The following CPQ variants were observed in gnomAD, a reference collection of about 807,000 sequenced individuals.
CPQ encodes the protein Ser-Met dipeptidase.
In CPQ, 37 loss-of-function variants were observed where a neutral mutation model predicts 45.7. The ratio of observed to expected loss-of-function variants is 0.81; its 90% confidence interval spans 0.62 to 1.07. The LOEUF is 1.07. Ranked by LOEUF, CPQ falls within the 50% of genes least tolerant of loss-of-function variation. The pLI is 0.00. For missense variants in CPQ, 537 were observed against 572.9 expected, an observed-to-expected ratio of 0.94 and a Z score of 0.64; for synonymous variants, 186 against 205.8, an observed-to-expected ratio of 0.90 and a Z score of 0.82.
chr8:97,094,560 A>C (rs925786525), intron 7 of CPQ, among the ~76,000 whole-genome samples: 1 of 151,828 alleles, frequency 6.6e-6, no homozygotes, highest in African/African-American at 2.4e-5. Flanking sequence ...CCCACTCTCC[A>C]TCCATTTTCA....
At chr8:97,066,647 C>T (rs1810640538) in intron 7 of CPQ, among the ~76,000 whole-genome samples, 3 of 152,022 alleles carry the variant, frequency 2.0e-5, no homozygotes, top group Non-Finnish European at 2.9e-5. Flanking sequence ...CAAATAATTC[C>T]CTATTAAAAC....
At chr8:96,697,470 A>T (rs1461692617) in intron 1 of CPQ, among the ~76,000 whole-genome samples, 2 of 152,174 alleles carry the variant, frequency 1.3e-5, no homozygotes. Flanking sequence ...CATGACAAGG[A>T]TGCCCACCTT....
At chr8:97,123,950 C>T (rs901308334) in intron 7 of CPQ, among the ~76,000 whole-genome samples, 30 of 151,962 alleles carry the variant, frequency 2.0e-4, no homozygotes, top group African/African-American at 4.8e-4. Flanking sequence ...ATCTATTCAT[C>T]AATAAGACAC....
intron 4 of CPQ, among the ~76,000 whole-genome samples, chr8:96,926,597 T>C (rs1414387709): frequency 2.7e-5 from 4 of 145,904 alleles, no homozygotes; most frequent in African/African-American, 1.1e-4. Context: ...CTTCTTCTTC[T>C]TCTTCTTCTT....
At chr8:97,015,086 T>G (rs1392547334) in intron 5 of CPQ, among the ~76,000 whole-genome samples, 1 of 152,190 alleles carries the variant, frequency 6.6e-6, no homozygotes, top group Non-Finnish European at 1.5e-5. Context: ...AAAAAACCAT[T>G]TTGGTAAATG....
At chr8:97,127,221 G>A (rs1440934666) in intron 7 of CPQ, among the ~76,000 whole-genome samples, 1 of 152,056 alleles carries the variant, frequency 6.6e-6, no homozygotes, top group Non-Finnish European at 1.5e-5. Context: ...AAAATGAAAG[G>A]CAAGCCACAG....
At chr8:97,016,654 C>T (rs367583434) in intron 5 of CPQ, among the ~76,000 whole-genome samples, 2 of 152,210 alleles carry the variant, frequency 1.3e-5, no homozygotes, top group Non-Finnish European at 2.9e-5. Context: ...GAGAAAGGGG[C>T]AGCCAACTCT....
intron 7 of CPQ, among the ~76,000 whole-genome samples, chr8:97,103,760 G>A (rs909492450): frequency 1.4e-4 from 21 of 152,178 alleles, no homozygotes; most frequent in Non-Finnish European, 2.4e-4. Flanking sequence ...TATCAAGCAG[G>A]TTACTCCTGT....
chr8:96,867,585 A>C (rs1812011552), intron 3 of CPQ, among the ~76,000 whole-genome samples: 1 of 151,994 alleles, frequency 6.6e-6, no homozygotes, highest in African/African-American at 2.4e-5. Context: ...AAAGTCAAGA[A>C]AAACATAACA....
At position 96,880,804 on chromosome 8, in the gene CPQ, TAAAAAA is replaced by T. The variant is rs1812214196; in HGVS notation, c.849+801_849+806del. ...GGGAGGGAGAGAGGGAAGCAAGGTT[TAAAAAA>T]ACTACCTGTTGGGTACTACATTACT... On this transcript the variant is annotated intron_variant, in intron 4 of 7. Transcript: ENST00000220763. 2.6e-5 allele frequency among the ~76,000 whole-genome samples: 4 copies of T among 151,868 alleles called. No homozygotes were observed. In the South Asian group the frequency reaches 8.3e-4, roughly 32 times the overall value.
Position 97,106,203 on chromosome 8 carries a change from AC to A in CPQ, c.1256-36814del, listed in dbSNP as rs1174007481. Among the ~76,000 whole-genome samples, 372 of 152,314 alleles carry A rather than the reference AC, an allele frequency of 2.4e-3. 4 individuals are homozygous for A. The highest frequency in any genetic ancestry group is 8.6e-3 in the African/African-American group (358 of 41,558). On this transcript the variant is annotated intron_variant, in intron 7 of 7. Coordinates refer to ENST00000220763, the MANE Select transcript of CPQ (RefSeq NM_016134.4). ...TGAATGTGTTTGTAAAATCAGGAAA[AC>A]CCAGGACCAGGCACTGTTCTTACCT... is the stretch of plus-strand genomic sequence containing the variant.
intron 6 of CPQ, among the ~76,000 whole-genome samples, chr8:97,033,071 G>A (rs371779479): frequency 2.0e-5 from 3 of 151,788 alleles, no homozygotes; most frequent in African/African-American, 4.8e-5. Context: ...AGGGACAGCA[G>A]CTCCCCTTTA....
intron 6 of CPQ, among the ~76,000 whole-genome samples, chr8:97,044,011 C>G (rs1701110638): frequency 6.6e-6 from 1 of 152,072 alleles, no homozygotes; most frequent in African/African-American, 2.4e-5. Context: ...TCTATATTTC[C>G]TGAATCTGAA....
At chr8:97,124,445 G>C (rs1027376221) in intron 7 of CPQ, among the ~76,000 whole-genome samples, 1 of 152,052 alleles carries the variant, frequency 6.6e-6, no homozygotes, top group African/African-American at 2.4e-5. Flanking sequence ...TGATATTACA[G>C]AACACTGCAT....
intron 2 of CPQ, among the ~76,000 whole-genome samples, chr8:96,814,755 G>A (rs758140302): frequency 1.3e-5 from 2 of 152,096 alleles, no homozygotes; most frequent in African/African-American, 4.8e-5. Context: ...GCAATACAAG[G>A]ACAAGTCCTC....
chr8:97,107,280 G>C (rs1044714571), intron 7 of CPQ, among the ~76,000 whole-genome samples: 2 of 152,238 alleles, frequency 1.3e-5, no homozygotes, highest in African/African-American at 2.4e-5. Flanking sequence ...TGGAAAAGCA[G>C]ATTCCAATTT....
chr8:96,885,341 A>T (rs1188282866), intron 4 of CPQ, among the ~76,000 whole-genome samples: 1 of 152,214 alleles, frequency 6.6e-6, no homozygotes, highest in South Asian at 2.1e-4. Flanking sequence ...TAATTACCTC[A>T]TATTAGGCCC....
At chr8:97,020,540 A>G (rs1563556270) in intron 5 of CPQ, among the ~76,000 whole-genome samples, 1 of 152,138 alleles carries the variant, frequency 6.6e-6, no homozygotes, top group Non-Finnish European at 1.5e-5. Context: ...TGAAAGGGAC[A>G]TATTACAACT....
In CPQ at chr8:97,025,623, G is replaced by A. The variant is rs1412680364; in HGVS notation, c.962-3780G>A. On this transcript the variant is annotated intron_variant, in intron 5 of 7. Coordinates refer to ENST00000220763, the MANE Select transcript of CPQ (RefSeq NM_016134.4). ...CAAGCTACCAAGCCAGTGCCAGACT[G>A]GGGGCCAGGCTTACAGCAGAGCTTC... Among the ~76,000 whole-genome samples, 6 of 152,280 alleles carry A rather than the reference G, an allele frequency of 3.9e-5. No homozygotes were observed. In the South Asian group the frequency reaches 8.3e-4, roughly 21 times the overall value.
Sources: gnomAD v4.1 joint callset for allele counts (sites outside exome capture counted in the v4.1 genomes callset) on GRCh38, gnomAD v4.1.1 for gene constraint, MANE v1.5 for transcripts, NCBI Gene and HGNC (gene_info 2026-07-23, HGNC 2026-07-21) for gene names.